N4BP1: variants seen among roughly 807,000 people sequenced by gnomAD.
N4BP1 encodes NEDD4-binding protein 1.
Under a neutral mutation model 70.9 loss-of-function variants are expected in N4BP1, and 21 were observed. The observed-to-expected ratio is 0.30, with a 90% CI of 0.21 to 0.43. The LOEUF is 0.43. Among genes scored for constraint, N4BP1 ranks in the 20% least tolerant of loss-of-function variants. The pLI, the probability that N4BP1 is intolerant of heterozygous loss-of-function variation, is 1.00. For missense variants in N4BP1, 936 were observed against 1,069.4 expected, an observed-to-expected ratio of 0.88 and a Z score of 1.74; for synonymous variants, 387 against 394.6, an observed-to-expected ratio of 0.98 and a Z score of 0.23.
chr16:48,579,363 C>A (rs1964144463), intron 1 of N4BP1, among the ~76,000 whole-genome samples: 1 of 152,140 alleles, frequency 6.6e-6, no homozygotes. Flanking sequence ...TTATCAAATA[C>A]TTCTAAATAA....
intron 1 of N4BP1, among the ~76,000 whole-genome samples, chr16:48,594,652 G>A (rs1040835916): frequency 4.6e-5 from 7 of 152,034 alleles, no homozygotes; most frequent in Admixed American, 2.0e-4. Flanking sequence ...CACTGTGCCC[G>A]TCTGATATCC....
chr16:48,553,806 C>T, intron 2 of N4BP1, 137 bp from the exon 3 acceptor site: 1 of 742,032 alleles, frequency 1.3e-6, no homozygotes, highest in Non-Finnish European at 2.0e-6. Context: ...ACATTTTTGG[C>T]ATTTAGTTGC....
In N4BP1 at chr16:48,538,740, C is replaced by T. The variant is rs1384897005; in HGVS notation, c.*4164G>A. 1 of 152,050 alleles carries T rather than the reference C, an allele frequency of 6.6e-6. No homozygotes were observed. The highest frequency in any genetic ancestry group is 1.9e-4 in the East Asian group (1 of 5,160). 9.4% of individuals were successfully genotyped at this position (152,050 alleles called of 1,614,324 possible). A position where few individuals can be genotyped will look rare whatever the true frequency, so the allele number is the denominator to read the frequency against. Reference sequence around the variant, plus strand: ...CTGTCCTCCAGTTCAGTTGAGCAGACATTTATTAAGCACCTATCAAGTGCA... The same window carrying T: ...CTGTCCTCCAGTTCAGTTGAGCAGATATTTATTAAGCACCTATCAAGTGCA... On this transcript the variant is annotated 3_prime_UTR_variant, in exon 7 of 7. Transcript: ENST00000262384.
intron 1 of N4BP1, among the ~76,000 whole-genome samples, chr16:48,608,659 G>C (rs539084781): frequency 8.6e-5 from 13 of 151,986 alleles, no homozygotes; most frequent in South Asian, 2.1e-4. Context: ...GTTTGGAAAG[G>C]GGGGGAAGTA....
At position 48,554,122 on chromosome 16, in the gene N4BP1, TG is replaced by T. The variant is rs528945791; in HGVS notation, c.1890-454del. On this transcript the variant is annotated intron_variant, in intron 2 of 6. Coordinates refer to ENST00000262384, the MANE Select transcript of N4BP1 (RefSeq NM_153029.4). ...GAGGGCAAGACTCAAATGAAACTAA[TG>T]GGGGGCCGTGAAAGGCTATTTTAAG... Among the ~76,000 whole-genome samples, 99 of 148,812 alleles carry T rather than the reference TG, an allele frequency of 6.7e-4. 1 individual carries two copies. In the South Asian group the frequency reaches 0.019, roughly 29 times the overall value.
chr16:48,560,500 G>A lies in N4BP1; in HGVS notation c.1889+254C>T, dbSNP rs186614979. The A allele has an allele frequency of 1.6e-3, 672 of 412,928 alleles. 4 individuals carry two copies. The highest frequency in any genetic ancestry group is 1.1e-3 in the Non-Finnish European group (261 of 232,512). The allele number at this position is 412,928 out of a possible 1,614,324, so 25.6% of individuals were successfully genotyped here. ...ACTACATATCACTGAGCAATGCAACGTGAAAAGATAATTTTCTATCCTCTC... is the reference window on the plus strand; with the variant it reads ...ACTACATATCACTGAGCAATGCAACATGAAAAGATAATTTTCTATCCTCTC... On this transcript the variant is annotated intron_variant, in intron 2 of 6. Transcript: ENST00000262384.
At chr16:48,575,578 C>G (rs1964080527) in intron 1 of N4BP1, among the ~76,000 whole-genome samples, 1 of 152,148 alleles carries the variant, frequency 6.6e-6, no homozygotes, top group South Asian at 2.1e-4. Flanking sequence ...CAAGAGTATG[C>G]AGGTTTGACC....
At chr16:48,564,656 A>G (rs1963913152) in intron 1 of N4BP1, among the ~76,000 whole-genome samples, 1 of 152,142 alleles carries the variant, frequency 6.6e-6, no homozygotes, top group Non-Finnish European at 1.5e-5. Context: ...TTGTCTTCCC[A>G]TACACATTTT....
chr16:48,565,227 C>A (rs1459010803), intron 1 of N4BP1, among the ~76,000 whole-genome samples: 2 of 152,166 alleles, frequency 1.3e-5, no homozygotes, highest in African/African-American at 4.8e-5. Context: ...GGTATGCTTG[C>A]CTTGTTAATG....
intron 6 of N4BP1, among the ~76,000 whole-genome samples, chr16:48,545,761 C>G (rs1304231467): frequency 1.3e-5 from 2 of 151,878 alleles, no homozygotes; most frequent in Non-Finnish European, 2.9e-5. Flanking sequence ...CATGGTGGCT[C>G]ATGCCTATAA....
chr16:48,562,226 C>G lies in N4BP1; in HGVS notation c.417G>C (p.Lys139Asn), dbSNP rs758270673. The stretch of plus-strand genomic sequence containing the variant: ...GTAGGTTCTCTTTATTTTCAAAGAG[C>G]TTTACAAATTGTTGAATGTGACTCC... The part of the protein sequence containing the change: ...MARSHIQQFV[K>N]LFENKENLPS... Residue 139 changes from lysine (K) to asparagine (N), a missense_variant, in exon 2 of 7, where the codon AAG (lysine) becomes AAC (asparagine). Transcript: ENST00000262384. The G allele has an allele frequency of 2.5e-6, 4 of 1,613,868 alleles. No individual in the cohort carries two copies. The highest frequency in any genetic ancestry group is 3.4e-6 in the Non-Finnish European group (4 of 1,179,844).
At position 48,595,556 on chromosome 16, in the gene N4BP1, G is replaced by C. The variant is rs111843415; in HGVS notation, c.198+14219C>G. Among the ~76,000 whole-genome samples the C allele has an allele frequency of 2.3e-3, 353 of 151,080 alleles. 2 individuals are homozygous for C. Among genetic ancestry groups the C allele is most frequent in the African/African-American group, 8.3e-3 (340 of 41,130 alleles). ...TACATTCTTGTAAACAAAATTTGAA[G>C]CATATTTGTTTCTACCTGGTTTCTC... is the stretch of plus-strand genomic sequence containing the variant. On this transcript the variant is annotated intron_variant, in intron 1 of 6. Coordinates refer to ENST00000262384, the MANE Select transcript of N4BP1 (RefSeq NM_153029.4).
Position 48,596,150 on chromosome 16 carries a change from C to T in N4BP1, c.198+13625G>A, listed in dbSNP as rs546037095. Among the ~76,000 whole-genome samples the T allele has an allele frequency of 3.9e-5, 6 of 152,146 alleles. No individual in the cohort carries two copies. The South Asian group carries it at 8.3e-4, about 21-fold the overall frequency. On this transcript the variant is annotated intron_variant, in intron 1 of 6. Transcript: ENST00000262384. ...ATAAAAATAAGGACTAGGAGAGAAA[C>T]GTGTTTCAAAAACTATAGTATGCCT...
At chr16:48,552,699 G>GGA (rs1963690192) in intron 3 of N4BP1, among the ~76,000 whole-genome samples, 1 of 18,486 alleles carries the variant, frequency 5.4e-5, no homozygotes, top group East Asian at 2.5e-3. Flanking sequence ...CTCCGTCTCA[G>GGA]AAAAAAAAAA....
intron 1 of N4BP1, among the ~76,000 whole-genome samples, chr16:48,562,752 T>A (rs1026516338): frequency 1.3e-5 from 2 of 152,226 alleles, no homozygotes; most frequent in African/African-American, 4.8e-5. Context: ...CTGGATTTAT[T>A]TACATCTCTA....
intron 1 of N4BP1, among the ~76,000 whole-genome samples, chr16:48,593,459 G>GA (rs1334983470): frequency 2.0e-5 from 3 of 152,076 alleles, no homozygotes; most frequent in African/African-American, 7.2e-5. Flanking sequence ...AGTGAGGAAG[G>GA]AAAAAATCTA....
At chr16:48,565,492 C>A (rs1963928699) in intron 1 of N4BP1, among the ~76,000 whole-genome samples, 1 of 152,146 alleles carries the variant, frequency 6.6e-6, no homozygotes, top group South Asian at 2.1e-4. Context: ...CCTGGAATAA[C>A]CCCTACATGA....
At chr16:48,581,662 C>G (rs562156192) in intron 1 of N4BP1, among the ~76,000 whole-genome samples, 1 of 152,102 alleles carries the variant, frequency 6.6e-6, no homozygotes, top group Non-Finnish European at 1.5e-5. Flanking sequence ...AACGAAAACA[C>G]TGACAAAAGA....
intron 1 of N4BP1, among the ~76,000 whole-genome samples, chr16:48,604,485 T>G (rs561953224): frequency 3.1e-4 from 47 of 150,564 alleles, no homozygotes; most frequent in African/African-American, 1.1e-3. Flanking sequence ...GAGGCAGAGG[T>G]TTCAGTAAGC....
Sources: allele counts gnomAD v4.1 joint callset (sites outside exome capture counted in the v4.1 genomes callset), GRCh38; gene constraint gnomAD v4.1.1; transcripts MANE v1.5; gene names NCBI Gene and HGNC (gene_info 2026-07-23, HGNC 2026-07-21).